The following RAPGEF6 variants were observed in gnomAD, a reference collection of about 807,000 sequenced individuals.
RAPGEF6 encodes PDZ domain containing guanine nucleotide exchange factor (GEF) 2.
In RAPGEF6, 56 loss-of-function variants were observed where a neutral mutation model predicts 171.4. That is an observed-to-expected ratio of 0.33 (90% CI 0.26 to 0.41). RAPGEF6 has a LOEUF of 0.41. RAPGEF6 is among the 10% of genes least tolerant of loss of function. The pLI is 1.00. For synonymous variants in RAPGEF6, 692 were observed against 650.1 expected (o/e 1.06, Z -0.98); for missense variants, 1,674 against 1,921.4 (o/e 0.87, Z 2.41).
At chr5:131,493,346 G>A (rs1295127521) in intron 13 of RAPGEF6, among the ~76,000 whole-genome samples, 7 of 152,160 alleles carry the variant, frequency 4.6e-5, no homozygotes, top group Admixed American at 4.6e-4. Context: ...TTACAGGCAT[G>A]AGCCACCGCG....
intron 1 of RAPGEF6, among the ~76,000 whole-genome samples, chr5:131,626,898 T>A (rs1487162234): frequency 6.6e-6 from 1 of 152,222 alleles, no homozygotes; most frequent in East Asian, 1.9e-4. Flanking sequence ...AACATATTGT[T>A]AATCTATACC....
At chr5:131,480,768 C>G (rs1230894500) in intron 15 of RAPGEF6, among the ~76,000 whole-genome samples, 1 of 151,998 alleles carries the variant, frequency 6.6e-6, no homozygotes, top group African/African-American at 2.4e-5. Flanking sequence ...CATGAGCCAC[C>G]ATGCCCGGCC....
intron 3 of RAPGEF6, 42 bp from the exon 4 acceptor site, chr5:131,592,508 C>T (rs1561589483): frequency 6.3e-7 from 1 of 1,594,648 alleles, no homozygotes; most frequent in Non-Finnish European, 8.5e-7. Flanking sequence ...AAACAACACA[C>T]ATGTTCATAT....
chr5:131,552,689 G>C (rs1468139397), intron 5 of RAPGEF6, among the ~76,000 whole-genome samples: 1 of 151,922 alleles, frequency 6.6e-6, no homozygotes, highest in Non-Finnish European at 1.5e-5. Flanking sequence ...TCGAACTCCT[G>C]ATCTCAGGTG....
Position 131,483,399 on chromosome 5 carries a change from T to C in RAPGEF6, c.1841-3646A>G, listed in dbSNP as rs77349571. On this transcript the variant is annotated intron_variant, in intron 15 of 27. Coordinates refer to ENST00000509018, the MANE Select transcript of RAPGEF6 (RefSeq NM_016340.6). ...TTCTCCACTGGACATGAGTATGTAA[T>C]TATAAGCAAAAATTTGTGGAGCTTG... Among the ~76,000 whole-genome samples, 1,061 of 149,484 alleles carry C rather than the reference T, an allele frequency of 7.1e-3. 16 individuals carry two copies. Among genetic ancestry groups the C allele is most frequent in the African/African-American group, 0.025 (1,020 of 40,686 alleles).
rs116688883 is a variant in RAPGEF6, at chr5:131,440,173, C to T, written c.3611-458G>A. The T allele has an allele frequency of 1.4e-3, 653 of 454,732 alleles. 2 individuals are homozygous for T. The highest frequency in any genetic ancestry group is 2.4e-3 in the Non-Finnish European group (534 of 226,326). The allele number at this position is 454,732 out of a possible 1,614,324, so 28.2% of individuals were successfully genotyped here. On this transcript the variant is annotated intron_variant, in intron 23 of 27. Coordinates refer to ENST00000509018, the MANE Select transcript of RAPGEF6 (RefSeq NM_016340.6). The stretch of plus-strand genomic sequence containing the variant: ...GTGGTGCATCTGTGCTGTGGGTATA[C>T]GGGAAGAGGCTGCAGGGCTGCCAGT...
chr5:131,628,770 C>A (rs1766105689), intron 1 of RAPGEF6, among the ~76,000 whole-genome samples: 1 of 152,058 alleles, frequency 6.6e-6, no homozygotes, highest in Non-Finnish European at 1.5e-5. Context: ...AACCCTAAGG[C>A]CCTTAAGAAT....
chr5:131,621,318 C>G (rs1765579621), intron 1 of RAPGEF6, among the ~76,000 whole-genome samples: 1 of 152,068 alleles, frequency 6.6e-6, no homozygotes, highest in African/African-American at 2.4e-5. Context: ...CAGACAGGGT[C>G]TCACTGTGTT....
chr5:131,521,340 T>C (rs373231333), intron 7 of RAPGEF6, 50 bp downstream of exon 7: 224 of 1,491,100 alleles, frequency 1.5e-4, no homozygotes, highest in Middle Eastern at 9.0e-4. Context: ...ACAGAATATC[T>C]GGCAAATAAA....
intron 7 of RAPGEF6, among the ~76,000 whole-genome samples, chr5:131,513,346 A>T (rs1257233252): frequency 6.6e-6 from 1 of 152,062 alleles, no homozygotes; most frequent in Non-Finnish European, 1.5e-5. Context: ...TCCCTTTTCT[A>T]TTTTATCAAT....
rs1487345701 is a variant in RAPGEF6, at chr5:131,522,173, C to G, written c.496-652G>C. Among the ~76,000 whole-genome samples the G allele has an allele frequency of 3.9e-5, 6 of 152,160 alleles. No homozygotes were observed. The South Asian group carries it at 1.2e-3, about 32-fold the overall frequency. ...ACTAGGCACAGGTATACAAGAAACA[C>G]AAAAAGTAAATGACTCCACCACCTC... On this transcript the variant is annotated intron_variant, in intron 6 of 27. Transcript: ENST00000509018.
intron 3 of RAPGEF6, among the ~76,000 whole-genome samples, chr5:131,601,083 CAAA>C (rs34701964): frequency 1.5e-5 from 2 of 134,288 alleles, no homozygotes; most frequent in African/African-American, 2.8e-5. Flanking sequence ...AACTCCATTT[CAAA>C]AAAAAAAAAA....
At chr5:131,473,043 G>T in intron 16 of RAPGEF6, 1 of 283,538 alleles carries the variant, frequency 3.5e-6, no homozygotes, top group East Asian at 7.6e-5. Context: ...GAGTATTTAG[G>T]GAACCCTTCA....
intron 4 of RAPGEF6, among the ~76,000 whole-genome samples, chr5:131,581,354 C>A (rs927076555): frequency 1.3e-5 from 2 of 152,164 alleles, no homozygotes; most frequent in African/African-American, 4.8e-5. Context: ...AACTGAGTAT[C>A]CTGGCTTCTT....
chr5:131,468,286 C>T (rs1271310491), intron 17 of RAPGEF6, among the ~76,000 whole-genome samples: 4 of 145,024 alleles, frequency 2.8e-5, no homozygotes, highest in South Asian at 2.2e-4. Flanking sequence ...GAGCCAAGAT[C>T]GCGCCACTGC....
Position 131,461,995 on chromosome 5 carries a change from C to A in RAPGEF6, c.2574G>T (p.Gln858His). 1 of 1,614,108 alleles carries A rather than the reference C, an allele frequency of 6.2e-7. No homozygotes were observed. Among genetic ancestry groups the A allele is most frequent in the Non-Finnish European group, 8.5e-7 (1 of 1,179,972 alleles). ...LVKESQLSMLQLSTIEVATQL... is the reference protein window; with the variant it reads ...LVKESQLSMLHLSTIEVATQL... Reference sequence around the variant, plus strand: ...GGGTGGCCACCTCAATGGTACTGAGCTGCAGCATGGATAGCTGGCTTTCCT... The same window carrying A: ...GGGTGGCCACCTCAATGGTACTGAGATGCAGCATGGATAGCTGGCTTTCCT... The change falls in exon 19 of 28, where the codon CAG (glutamine) becomes CAT (histidine). Residue 858 changes from glutamine to histidine, a missense_variant. Coordinates refer to ENST00000509018, the MANE Select transcript of RAPGEF6 (RefSeq NM_016340.6).
In RAPGEF6 at chr5:131,580,657, C is replaced by T. The variant is rs369923732; in HGVS notation, c.281+11726G>A. 2.6e-5 allele frequency among the ~76,000 whole-genome samples: 4 copies of T among 152,226 alleles called. No homozygotes were observed. In the East Asian group the frequency reaches 5.8e-4, roughly 22 times the overall value. ...TACACCATGAGAACAGAACCTCTCC[C>T]TCTACGCAGTTGCAACATCAGTTCC... On this transcript the variant is annotated intron_variant, in intron 4 of 27. Transcript: ENST00000509018.
Position 131,439,710 on chromosome 5 carries a change from T to C in RAPGEF6, c.3616A>G (p.Ser1206Gly), listed in dbSNP as rs142796197. The C allele has an allele frequency of 5.6e-6, 9 of 1,609,896 alleles. No homozygotes were observed. The East Asian group carries it at 1.3e-4, about 24-fold the overall frequency. ...GTTCCTAAAACTTTCTGAGGTAAAC[T>C]TGTATCTAAAAATAAAACCAAAGAT... ...GQTKDPALNT[S>G]LPQKVLGTTE... Residue 1206 changes from serine to glycine, a missense_variant, in exon 24 of 28, where the codon AGT becomes GGT. This residue lies in a region of RAPGEF6 where 552 missense variants were observed against 574.2 expected (regional missense o/e 0.96). Coordinates refer to ENST00000509018, the MANE Select transcript of RAPGEF6 (RefSeq NM_016340.6).
chr5:131,490,423 T>C (rs974725944), intron 14 of RAPGEF6, among the ~76,000 whole-genome samples: 93 of 152,198 alleles, frequency 6.1e-4, no homozygotes, highest in Non-Finnish European at 2.8e-4. Flanking sequence ...CTTGCATCTA[T>C]GCACTAAAAT....
Sources: allele counts gnomAD v4.1 joint callset (sites outside exome capture counted in the v4.1 genomes callset), GRCh38; gene constraint gnomAD v4.1.1; regional missense constraint gnomAD v4.1.1; transcripts MANE v1.5; gene names NCBI Gene and HGNC (gene_info 2026-07-23, HGNC 2026-07-21).